Variants in NAV2 observed in about 807,000 individuals in gnomAD.
NAV2 encodes the protein neuron navigator 2, also known as helicase, APC down-regulated 1.
In NAV2, 54 loss-of-function variants were observed where a neutral mutation model predicts 223.2. That is an observed-to-expected ratio of 0.24 (90% CI 0.19 to 0.30). The LOEUF (loss-of-function observed/expected upper bound fraction) is 0.30, where lower values mean the gene tolerates loss of function less well. Ranked by LOEUF, NAV2 falls within the 10% of genes least tolerant of loss-of-function variation. NAV2 has a pLI of 1.00. For missense variants in NAV2, 2,806 were observed against 3,147.5 expected, an observed-to-expected ratio of 0.89 and a Z score of 2.60; for synonymous variants, 1,279 against 1,239.3, an observed-to-expected ratio of 1.03 and a Z score of -0.67.
rs967354278 is a variant in NAV2, at chr11:20,055,869, C to T, written c.4743C>T (p.Asp1581=). 6.2e-7 allele frequency: 1 copy of T among 1,614,228 alleles called. No homozygotes were observed. Among genetic ancestry groups the T allele is most frequent in the South Asian group, 1.1e-5 (1 of 91,084 alleles). The part of the protein sequence containing the change: ...NADGQYDPYT[D]SRFRNSSMSL... ...ATGGGCAGTATGATCCATACACTGA[C>T]AGCCGCTTCCGGAATAGCTCCATGT... Residue 1581 remains aspartate (D), a synonymous_variant, in exon 19 of 38, where the codon GAC becomes GAT. Coordinates refer to ENST00000349880, the MANE Select transcript of NAV2 (RefSeq NM_145117.5).
chr11:19,658,510 C>T (rs1412424732), intron 1 of NAV2, among the ~76,000 whole-genome samples: 1 of 152,112 alleles, frequency 6.6e-6, no homozygotes, highest in African/African-American at 2.4e-5. Context: ...ACTTACCAGC[C>T]ATAGTATCAG....
At chr11:20,036,183 G>A (rs1158096086) in intron 12 of NAV2, 86 bp downstream of exon 12, 4 of 1,510,192 alleles carry the variant, frequency 2.6e-6, no homozygotes, top group Non-Finnish European at 3.6e-6. Context: ...GGCCATTTGG[G>A]GCAACCAGAA....
At chr11:19,597,620 C>T (rs2046236569) in intron 1 of NAV2, among the ~76,000 whole-genome samples, 1 of 152,218 alleles carries the variant, frequency 6.6e-6, no homozygotes, top group Non-Finnish European at 1.5e-5. Context: ...TTAATTACTG[C>T]CTGCCGTATA....
At chr11:19,702,584 G>T (rs1339084905) in intron 1 of NAV2, among the ~76,000 whole-genome samples, 1 of 152,052 alleles carries the variant, frequency 6.6e-6, no homozygotes, top group African/African-American at 2.4e-5. Flanking sequence ...TTAGAGACCA[G>T]CCCGGGCAAC....
At chr11:19,465,481 T>C (rs1413272033) in intron 1 of NAV2, among the ~76,000 whole-genome samples, 1 of 152,252 alleles carries the variant, frequency 6.6e-6, no homozygotes, top group Non-Finnish European at 1.5e-5. Flanking sequence ...CAAATTTAAT[T>C]AGTTCAGAGA....
intron 1 of NAV2, among the ~76,000 whole-genome samples, chr11:19,791,322 A>G (rs1035055527): frequency 5.3e-5 from 8 of 152,022 alleles, no homozygotes; most frequent in African/African-American, 1.9e-4. Flanking sequence ...CGCATCTTTG[A>G]GCTCCTCCCC....
chr11:19,815,836 A>G (rs1339195448), intron 1 of NAV2, among the ~76,000 whole-genome samples: 1 of 150,146 alleles, frequency 6.7e-6, no homozygotes, highest in African/African-American at 2.4e-5. Context: ...TGTATTTACA[A>G]AAGAACTTTA....
intron 10 of NAV2, among the ~76,000 whole-genome samples, chr11:19,975,642 C>A (rs549928391): frequency 6.6e-6 from 1 of 152,292 alleles, no homozygotes; most frequent in African/African-American, 2.4e-5. Context: ...AAGACCCAAG[C>A]AGTGGTGAGA....
At chr11:19,658,125 T>C (rs961189392) in intron 1 of NAV2, among the ~76,000 whole-genome samples, 2 of 152,172 alleles carry the variant, frequency 1.3e-5, no homozygotes, top group Non-Finnish European at 2.9e-5. Context: ...TTTATAAACT[T>C]ACTTAATTTT....
At chr11:20,090,443 T>C (rs913115497) in intron 26 of NAV2, among the ~76,000 whole-genome samples, 20 of 151,900 alleles carry the variant, frequency 1.3e-4, no homozygotes, top group Non-Finnish European at 2.8e-4. Context: ...AGAAAGAATG[T>C]AGAGAATGAA....
intron 1 of NAV2, among the ~76,000 whole-genome samples, chr11:19,462,339 A>G (rs1291634170): frequency 6.6e-6 from 1 of 152,186 alleles, no homozygotes; most frequent in African/African-American, 2.4e-5. Flanking sequence ...TCCATACCAC[A>G]TTGGAAAACC....
At chr11:19,405,976 G>C (rs564931551) in intron 1 of NAV2, among the ~76,000 whole-genome samples, 4 of 152,334 alleles carry the variant, frequency 2.6e-5, no homozygotes, top group Non-Finnish European at 5.9e-5. Flanking sequence ...CACTGGGACA[G>C]AGTAGCAGAA....
intron 4 of NAV2, 138 bp from the exon 5 acceptor site, chr11:19,879,731 A>T (rs2063080499): frequency 2.0e-6 from 2 of 994,152 alleles, no homozygotes; most frequent in Non-Finnish European, 3.0e-6. Flanking sequence ...GCCTGATTTT[A>T]ATTGCCTGTG....
intron 1 of NAV2, among the ~76,000 whole-genome samples, chr11:19,499,295 T>A (rs889361790): frequency 2.6e-5 from 4 of 152,204 alleles, no homozygotes; most frequent in African/African-American, 9.7e-5. Context: ...ACAGTAATGA[T>A]GATAAATTGT....
intron 1 of NAV2, among the ~76,000 whole-genome samples, chr11:19,379,709 G>A (rs754842477): frequency 8.5e-5 from 13 of 152,178 alleles, no homozygotes; most frequent in Non-Finnish European, 1.8e-4. Context: ...CTTCTTCCAG[G>A]TCTTTCTCTA....
chr11:19,976,213 G>A (rs988312600), intron 10 of NAV2, among the ~76,000 whole-genome samples: 20 of 152,064 alleles, frequency 1.3e-4, no homozygotes, highest in Non-Finnish European at 2.4e-4. Context: ...GGGGTTTATG[G>A]AAATGTTGAG....
At position 19,933,097 on chromosome 11, in the gene NAV2, G is replaced by A. The variant is rs2045537686; in HGVS notation, c.932-79G>A. On this transcript the variant is annotated intron_variant, in intron 6 of 37. Transcript: ENST00000349880. This position sits in a 1 kb window ranked among gnomAD's most constrained non-coding sequence, Gnocchi z 4.3. Reference sequence around the variant, plus strand: ...ATTTGGGTTGGGAGTGATTGGTTGTGTGGCCATGGCTGACCCTCCCTGGTC... The same window carrying A: ...ATTTGGGTTGGGAGTGATTGGTTGTATGGCCATGGCTGACCCTCCCTGGTC... 6.9e-7 allele frequency: 1 copy of A among 1,449,640 alleles called. No homozygotes were observed. Among genetic ancestry groups the A allele is most frequent in the Non-Finnish European group, 9.1e-7 (1 of 1,094,476 alleles). 89.8% of individuals were successfully genotyped at this position (1,449,640 alleles called of 1,614,324 possible). A position where few individuals can be genotyped will look rare whatever the true frequency, so the allele number is the denominator to read the frequency against.
intron 36 of NAV2, among the ~76,000 whole-genome samples, chr11:20,109,174 C>G (rs1478572472): frequency 6.6e-6 from 1 of 152,196 alleles, no homozygotes; most frequent in Non-Finnish European, 1.5e-5. Flanking sequence ...TCTTCAGAGG[C>G]ATTCAGGACA....
At chr11:19,542,986 T>C (rs1324668349) in intron 1 of NAV2, among the ~76,000 whole-genome samples, 1 of 147,342 alleles carries the variant, frequency 6.8e-6, no homozygotes, top group Non-Finnish European at 1.5e-5. Context: ...TCCATGTCAC[T>C]GGTTGAGCAT....
Sources: allele counts gnomAD v4.1 joint callset (sites outside exome capture counted in the v4.1 genomes callset), GRCh38; gene constraint gnomAD v4.1.1; non-coding constraint Gnocchi (gnomAD v3.1); transcripts MANE v1.5; gene names NCBI Gene and HGNC (gene_info 2026-07-23, HGNC 2026-07-21).